Variants in AGAP1 observed in about 807,000 individuals in gnomAD.
AGAP1 encodes the protein arf-GAP with GTPase, ANK repeat and PH domain-containing protein 1.
A neutral mutation model predicts 105.3 loss-of-function variants in AGAP1; 29 were observed. The ratio of observed to expected loss-of-function variants is 0.28; its 90% CI spans 0.21 to 0.38. The LOEUF is 0.38. Ranked by LOEUF, AGAP1 falls within the 10% of genes least tolerant of loss-of-function variation. The pLI is 1.00. For synonymous variants in AGAP1, 509 were observed against 485.9 expected (o/e 1.05, Z -0.63); for missense variants, 998 against 1,165.1 (o/e 0.86, Z 2.09).
intron 1 of AGAP1, chr2:235,669,460 T>G (rs1948245026): frequency 6.5e-6 from 1 of 153,224 alleles, no homozygotes; most frequent in African/African-American, 2.4e-5. Flanking sequence ...CCGCGCTGCG[T>G]CGATCCATCC....
chr2:236,070,959 A>G (rs2058479849), intron 16 of AGAP1, among the ~76,000 whole-genome samples: 1 of 152,264 alleles, frequency 6.6e-6, no homozygotes, highest in Admixed American at 6.5e-5. Flanking sequence ...ACATCTCAGC[A>G]AAGCTGTTAG....
At chr2:236,065,588 C>T (rs982010861) in intron 16 of AGAP1, among the ~76,000 whole-genome samples, 43 of 152,224 alleles carry the variant, frequency 2.8e-4, no homozygotes, top group Non-Finnish European at 2.9e-5. Flanking sequence ...CCCACAGGGG[C>T]TGCAGAGCTT....
At chr2:235,650,053 A>G (rs1947528937) in intron 1 of AGAP1, among the ~76,000 whole-genome samples, 1 of 152,194 alleles carries the variant, frequency 6.6e-6, no homozygotes, top group Non-Finnish European at 1.5e-5. Flanking sequence ...TTGGATGGAA[A>G]ATATTAAAAT....
intron 6 of AGAP1, among the ~76,000 whole-genome samples, chr2:235,794,801 G>A (rs1281995961): frequency 3.9e-5 from 6 of 152,172 alleles, no homozygotes; most frequent in South Asian, 2.1e-4. Flanking sequence ...GTAAATCCAC[G>A]TGATTGTGTT....
rs2125991396 is a variant in AGAP1 at position 236,126,518 on chromosome 2, A to G, written c.*2396A>G. 6.6e-6 allele frequency: 1 copy of G among 152,324 alleles called. No homozygotes were observed. Among genetic ancestry groups the G allele is most frequent in the African/African-American group, 2.4e-5 (1 of 41,578 alleles). 9.4% of individuals were successfully genotyped at this position (152,324 alleles called of 1,614,324 possible). The stretch of plus-strand genomic sequence containing the variant: ...TTGGGATGTATATGAGCGTGTACAT[A>G]TTATTCTATGTGTTTATAATATAAT... On this transcript the variant is annotated 3_prime_UTR_variant, in exon 18 of 18. Transcript: ENST00000304032.
chr2:236,097,454 G>A (rs6431423), intron 16 of AGAP1, among the ~76,000 whole-genome samples: 4 of 137,154 alleles, frequency 2.9e-5, no homozygotes, highest in African/African-American at 8.6e-5. Flanking sequence ...GTGCAGTGGC[G>A]CGACCTTGGC....
intron 1 of AGAP1, among the ~76,000 whole-genome samples, chr2:235,649,280 CT>C: frequency 6.6e-6 from 1 of 152,322 alleles, no homozygotes; most frequent in East Asian, 1.9e-4. Flanking sequence ...CAGGAAGCAT[CT>C]GGAAGCTTAT....
At chr2:236,043,133 T>G (rs1371725352) in intron 15 of AGAP1, among the ~76,000 whole-genome samples, 1 of 152,214 alleles carries the variant, frequency 6.6e-6, no homozygotes, top group East Asian at 1.9e-4. Context: ...ATACCCAATT[T>G]TGGTTAAAGT....
chr2:235,928,841 A>G lies in AGAP1; in HGVS notation c.1325-1924A>G, dbSNP rs530119018. On this transcript the variant is annotated intron_variant, in intron 11 of 17. Coordinates refer to ENST00000304032, the MANE Select transcript of AGAP1 (RefSeq NM_001037131.3). Reference sequence around the variant, plus strand: ...GAGCATGAGTGCTCCCCTTAGTGCCATGTCGCCAGCTCTGGGCTGCTCCTC... The same window carrying G: ...GAGCATGAGTGCTCCCCTTAGTGCCGTGTCGCCAGCTCTGGGCTGCTCCTC... Among the ~76,000 whole-genome samples the G allele has an allele frequency of 3.3e-5, 5 of 152,330 alleles. No homozygotes were observed. The South Asian group carries it at 8.3e-4, about 25-fold the overall frequency.
chr2:236,076,170 C>T lies in AGAP1; in HGVS notation c.2114+26889C>T, dbSNP rs988453923. On this transcript the variant is annotated intron_variant, in intron 16 of 17. Coordinates refer to ENST00000304032, the MANE Select transcript of AGAP1 (RefSeq NM_001037131.3). This position sits in a 1 kb window ranked among gnomAD's most constrained non-coding sequence, Gnocchi z 4.4. ...TGTGGAGTTTTTTAAAGTCTTGAGGCGGGGCGCCGTGGCTCATGCCTGTAA... is the reference window on the plus strand; with the variant it reads ...TGTGGAGTTTTTTAAAGTCTTGAGGTGGGGCGCCGTGGCTCATGCCTGTAA... Among the ~76,000 whole-genome samples, 1 of 152,178 alleles carries T rather than the reference C, an allele frequency of 6.6e-6. No homozygotes were observed. The highest frequency in any genetic ancestry group is 1.5e-5 in the Non-Finnish European group (1 of 68,026).
In AGAP1 at chr2:235,882,210, GGTCCTTCAGAGACC is replaced by G. The variant is rs1185735979; in HGVS notation, c.1051-1134_1051-1121del. Among the ~76,000 whole-genome samples, 1 of 152,100 alleles carries G rather than the reference GGTCCTTCAGAGACC, an allele frequency of 6.6e-6. No homozygotes were observed. The highest frequency in any genetic ancestry group is 1.9e-4 in the East Asian group (1 of 5,188). On this transcript the variant is annotated intron_variant, in intron 9 of 17. Transcript: ENST00000304032. This position sits in a 1 kb window ranked among gnomAD's most constrained non-coding sequence, Gnocchi z 4.6. The stretch of plus-strand genomic sequence containing the variant: ...AGAATTTGGCAATCTGATTGGGGGT[GGTCCTTCAGAGACC>G]CACAGGCCAGTGGCATCGGTGCAGA...
chr2:235,521,528 A>G (rs2149051098), intron 1 of AGAP1, among the ~76,000 whole-genome samples: 1 of 152,260 alleles, frequency 6.6e-6, no homozygotes, highest in East Asian at 1.9e-4. Flanking sequence ...ATACATGCGA[A>G]TGGGTACTTA....
chr2:235,597,450 C>A (rs1945563373), intron 1 of AGAP1, among the ~76,000 whole-genome samples: 1 of 152,226 alleles, frequency 6.6e-6, no homozygotes, highest in South Asian at 2.1e-4. Context: ...GCCAGTCTTT[C>A]CGTCACTTCC....
chr2:235,657,295 C>G (rs895936207), intron 1 of AGAP1, among the ~76,000 whole-genome samples: 1 of 152,180 alleles, frequency 6.6e-6, no homozygotes, highest in African/African-American at 2.4e-5. Flanking sequence ...TGAGTTTTTA[C>G]TGAGAAAAAG....
chr2:235,804,097 T>G (rs1238689965), intron 8 of AGAP1, among the ~76,000 whole-genome samples: 1 of 152,204 alleles, frequency 6.6e-6, no homozygotes, highest in African/African-American at 2.4e-5. Flanking sequence ...AAGCAAATCC[T>G]AAGTAAAAGT....
intron 6 of AGAP1, among the ~76,000 whole-genome samples, chr2:235,794,937 A>G (rs1337081107): frequency 6.6e-6 from 1 of 152,236 alleles, no homozygotes; most frequent in Non-Finnish European, 1.5e-5. Flanking sequence ...TCAAATATAG[A>G]CAAAAACTCA....
At position 235,868,361 on chromosome 2, in the gene AGAP1, A is replaced by G. The variant is rs527383128; in HGVS notation, c.1051-14984A>G. Among the ~76,000 whole-genome samples the G allele has an allele frequency of 3.9e-5, 6 of 152,302 alleles. No individual in the cohort carries two copies. In the South Asian group the frequency reaches 1.0e-3, roughly 26 times the overall value. ...AAATCACACGTGCACCGTCCTTTACATTCAGTCAGATGCATGCACGGCCCC... is the reference window on the plus strand; with the variant it reads ...AAATCACACGTGCACCGTCCTTTACGTTCAGTCAGATGCATGCACGGCCCC... On this transcript the variant is annotated intron_variant, in intron 9 of 17. Coordinates refer to ENST00000304032, the MANE Select transcript of AGAP1 (RefSeq NM_001037131.3).
rs1947108698 is a variant in AGAP1, at chr2:235,639,134, G to A, written c.164-70045G>A. 6.6e-6 allele frequency among the ~76,000 whole-genome samples: 1 copy of A among 152,138 alleles called. No individual in the cohort carries two copies. The highest frequency in any genetic ancestry group is 2.4e-5 in the African/African-American group (1 of 41,434). On this transcript the variant is annotated intron_variant, in intron 1 of 17. Coordinates refer to ENST00000304032, the MANE Select transcript of AGAP1 (RefSeq NM_001037131.3). This position sits in a 1 kb window ranked among gnomAD's most constrained non-coding sequence, Gnocchi z 5.3. Reference sequence around the variant, plus strand: ...GGAATTTGGTCAAGGCAGGAATGAGGGTGGATGTGGGGCATGGGGAATTGG... The same window carrying A: ...GGAATTTGGTCAAGGCAGGAATGAGAGTGGATGTGGGGCATGGGGAATTGG...
intron 9 of AGAP1, among the ~76,000 whole-genome samples, chr2:235,857,474 C>T (rs1453993726): frequency 6.6e-6 from 1 of 152,218 alleles, no homozygotes; most frequent in East Asian, 1.9e-4. Flanking sequence ...TTGCAGGGTC[C>T]TGACCCCGAC....
Sources: allele counts gnomAD v4.1 joint callset (sites outside exome capture counted in the v4.1 genomes callset), GRCh38; gene constraint gnomAD v4.1.1; non-coding constraint Gnocchi (gnomAD v3.1); transcripts MANE v1.5; gene names NCBI Gene and HGNC (gene_info 2026-07-23, HGNC 2026-07-21).